NCOA7: variants seen among roughly 807,000 people sequenced by gnomAD.
NCOA7 encodes nuclear receptor coactivator 7.
Under a neutral mutation model 104.3 loss-of-function variants are expected in NCOA7, and 45 were observed. The ratio of observed to expected loss-of-function variants is 0.43; its 90% CI spans 0.34 to 0.55. NCOA7 has a LOEUF of 0.55. NCOA7 is among the 20% of genes least tolerant of loss of function. The pLI is 0.02. For missense variants in NCOA7, 1,041 were observed against 1,119.7 expected, an observed-to-expected ratio of 0.93 and a Z score of 1.00; for synonymous variants, 398 against 402.3, an observed-to-expected ratio of 0.99 and a Z score of 0.13.
chr6:125,788,751 C>T (rs1293478919), upstream of NCOA7, among the ~76,000 whole-genome samples: 6 of 142,956 alleles, frequency 4.2e-5, no homozygotes, highest in Non-Finnish European at 9.0e-5. Flanking sequence ...ACCATGTTGG[C>T]CAGGATGGTC....
At chr6:125,802,590 A>G (rs1438012523) in intron 1 of NCOA7, 1 of 152,204 alleles carries the variant, frequency 6.6e-6, no homozygotes, top group African/African-American at 2.4e-5. Context: ...GAAAAATCAG[A>G]TGGGGTCATA....
intron 3 of NCOA7, among the ~76,000 whole-genome samples, chr6:125,871,890 G>A (rs896258021): frequency 5.3e-5 from 8 of 151,982 alleles, no homozygotes; most frequent in South Asian, 2.1e-4. Context: ...CCAGCTATTC[G>A]GGAAGCTGAG....
chr6:125,891,970 T>C (rs1016139701), intron 10 of NCOA7, among the ~76,000 whole-genome samples: 5 of 152,182 alleles, frequency 3.3e-5, no homozygotes, highest in Non-Finnish European at 7.4e-5. Flanking sequence ...TTGTTATCAT[T>C]TTAAAATATT....
At chr6:125,898,146 C>G (rs1785201897) in intron 10 of NCOA7, among the ~76,000 whole-genome samples, 1 of 152,200 alleles carries the variant, frequency 6.6e-6, no homozygotes, top group African/African-American at 2.4e-5. Context: ...AAACTATTCA[C>G]TCTTGGTTCT....
chr6:125,897,795 C>A (rs1382014268), intron 10 of NCOA7, among the ~76,000 whole-genome samples: 1 of 152,074 alleles, frequency 6.6e-6, no homozygotes, highest in African/African-American at 2.4e-5. Context: ...TTCTCCTGCC[C>A]CAGCCTCCCA....
chr6:125,837,268 C>A (rs1779693637), intron 2 of NCOA7, among the ~76,000 whole-genome samples: 1 of 152,182 alleles, frequency 6.6e-6, no homozygotes, highest in Non-Finnish European at 1.5e-5. Context: ...TTCATTCATA[C>A]ATGCTCCACC....
chr6:125,900,551 A>G (rs1332079950), intron 10 of NCOA7, among the ~76,000 whole-genome samples: 1 of 152,182 alleles, frequency 6.6e-6, no homozygotes, highest in Non-Finnish European at 1.5e-5. Flanking sequence ...GAGATGTTCA[A>G]CCTGATGATT....
At chr6:125,830,104 CTT>C (rs1478115338) in intron 2 of NCOA7, among the ~76,000 whole-genome samples, 1 of 152,160 alleles carries the variant, frequency 6.6e-6, no homozygotes, top group Non-Finnish European at 1.5e-5. Flanking sequence ...TTGAAAAACT[CTT>C]GTTAGAGGGA....
chr6:125,835,069 A>C (rs973298786), intron 2 of NCOA7, among the ~76,000 whole-genome samples: 1 of 152,224 alleles, frequency 6.6e-6, no homozygotes, highest in Non-Finnish European at 1.5e-5. Context: ...TATATTTCCC[A>C]GATAAAAGTT....
intron 1 of NCOA7, among the ~76,000 whole-genome samples, chr6:125,804,057 C>G (rs1331720799): frequency 6.6e-6 from 1 of 152,038 alleles, no homozygotes; most frequent in African/African-American, 2.4e-5. Context: ...CAGTGATTCA[C>G]ATTGGCACAT....
chr6:125,793,835 A>G (rs1775064806), intron 1 of NCOA7, among the ~76,000 whole-genome samples: 1 of 152,244 alleles, frequency 6.6e-6, no homozygotes, highest in African/African-American at 2.4e-5. Context: ...TAGTGAATAC[A>G]TAAAGAGTGA....
intron 3 of NCOA7, among the ~76,000 whole-genome samples, chr6:125,871,264 C>T (rs1272031871): frequency 6.6e-6 from 1 of 152,060 alleles, no homozygotes; most frequent in Non-Finnish European, 1.5e-5. Flanking sequence ...GGATCCTTAC[C>T]TAAAACACTA....
At position 125,819,687 on chromosome 6, in the gene NCOA7, C is replaced by T. The variant is rs377756713; in HGVS notation, c.50+4283C>T. Among the ~76,000 whole-genome samples the T allele has an allele frequency of 4.6e-5, 7 of 152,318 alleles. No individual in the cohort carries two copies. In the South Asian group the frequency reaches 1.2e-3, roughly 27 times the overall value. Reference sequence around the variant, plus strand: ...CTATTTGTACTGTGTACAATTTATGCTATCCTCTGGGGTGACTATCATGTG... The same window carrying T: ...CTATTTGTACTGTGTACAATTTATGTTATCCTCTGGGGTGACTATCATGTG... On this transcript the variant is annotated intron_variant, in intron 2 of 15. Transcript: ENST00000392477.
chr6:125,854,891 C>A (rs1369333512), intron 2 of NCOA7, 129 bp from the exon 3 acceptor site: 3 of 624,346 alleles, frequency 4.8e-6, no homozygotes, highest in Admixed American at 3.1e-5. Context: ...ATGTAATGAA[C>A]CATATTATAA....
chr6:125,880,568 C>T (rs1025224987), intron 5 of NCOA7, among the ~76,000 whole-genome samples: 2 of 151,886 alleles, frequency 1.3e-5, no homozygotes, highest in African/African-American at 4.8e-5. Context: ...CCCTCTGTCA[C>T]CCAGGCTGGA....
At chr6:125,817,484 C>T (rs957969284) in intron 2 of NCOA7, among the ~76,000 whole-genome samples, 5 of 152,142 alleles carry the variant, frequency 3.3e-5, no homozygotes, top group Admixed American at 3.3e-4. Flanking sequence ...AGTGATATCT[C>T]ATTATGGTTT....
chr6:125,891,825 C>A (rs115994223), intron 10 of NCOA7, among the ~76,000 whole-genome samples: 301 of 152,164 alleles, frequency 2.0e-3, no homozygotes, highest in African/African-American at 6.5e-3. Flanking sequence ...AGACACAAAC[C>A]CACATTAACC....
At chr6:125,832,876 A>C (rs894551130) in intron 2 of NCOA7, among the ~76,000 whole-genome samples, 2 of 152,218 alleles carry the variant, frequency 1.3e-5, no homozygotes, top group African/African-American at 4.8e-5. Context: ...TCCAGATTTC[A>C]GGTCTGTGGG....
At chr6:125,790,837 G>A (rs1251360374), upstream of NCOA7, 1 of 152,260 alleles carries the variant, frequency 6.6e-6, no homozygotes, top group African/African-American at 2.4e-5. Context: ...CACCCCGACT[G>A]CGGCGGCTGC....
Sources: gnomAD v4.1 joint callset for allele counts (sites outside exome capture counted in the v4.1 genomes callset) on GRCh38, gnomAD v4.1.1 for gene constraint, MANE v1.5 for transcripts, NCBI Gene and HGNC (gene_info 2026-07-23, HGNC 2026-07-21) for gene names.